The following ST6GALNAC3 variants were observed in gnomAD, a reference collection of about 807,000 sequenced individuals.
The protein encoded by ST6GALNAC3 is ST6 N-acetylgalactosaminide alpha-2,6-sialyltransferase 3.
In ST6GALNAC3, 25 loss-of-function variants were observed where a neutral mutation model predicts 32.7. The ratio of observed to expected loss-of-function variants is 0.76; its 90% CI spans 0.56 to 1.07. The LOEUF (loss-of-function observed/expected upper bound fraction) is 1.07. Ranked by LOEUF, ST6GALNAC3 falls within the 50% of genes least tolerant of loss-of-function variation. ST6GALNAC3 has a pLI of 0.00. For synonymous variants in ST6GALNAC3, 129 were observed against 133.1 expected (o/e 0.97, Z 0.21); for missense variants, 355 against 382.4 (o/e 0.93, Z 0.60).
At chr1:76,371,568 A>C (rs1405847475) in intron 2 of ST6GALNAC3, among the ~76,000 whole-genome samples, 1 of 152,210 alleles carries the variant, frequency 6.6e-6, no homozygotes, top group Admixed American at 6.5e-5. Context: ...GAGAAGATCT[A>C]TTTGGAAAGA....
At chr1:76,324,954 T>G (rs1018109198) in intron 2 of ST6GALNAC3, among the ~76,000 whole-genome samples, 19 of 152,214 alleles carry the variant, frequency 1.2e-4, no homozygotes, top group Non-Finnish European at 2.1e-4. Context: ...TTATTATACT[T>G]TAAGTTCTAG....
intron 3 of ST6GALNAC3, among the ~76,000 whole-genome samples, chr1:76,425,431 T>C (rs1273503910): frequency 6.6e-6 from 1 of 151,944 alleles, no homozygotes; most frequent in African/African-American, 2.4e-5. Flanking sequence ...GCAGAGCTTT[T>C]ATTTTGGTTT....
intron 3 of ST6GALNAC3, among the ~76,000 whole-genome samples, chr1:76,528,293 TG>T (rs1410915464): frequency 6.6e-6 from 1 of 152,148 alleles, no homozygotes; most frequent in East Asian, 1.9e-4. Context: ...AGGTAGGCTC[TG>T]GGGCTATCCT....
Position 76,526,532 on chromosome 1 carries a change from T to C in ST6GALNAC3, c.624-100920T>C, listed in dbSNP as rs75320991. ...AATCCTTTAAGTTGATTTTTTATCT[T>C]GTTGACTCAGTGAGGTAGAAATTAA... On this transcript the variant is annotated intron_variant, in intron 3 of 4. Coordinates refer to ENST00000328299, the MANE Select transcript of ST6GALNAC3 (RefSeq NM_152996.4). Among the ~76,000 whole-genome samples, 1,061 of 152,246 alleles carry C rather than the reference T, an allele frequency of 7.0e-3. 16 individuals are homozygous for C. The highest frequency in any genetic ancestry group is 0.047 in the East Asian group (244 of 5,168).
intron 2 of ST6GALNAC3, among the ~76,000 whole-genome samples, chr1:76,352,531 A>G (rs1179963661): frequency 7.3e-6 from 1 of 137,604 alleles, no homozygotes; most frequent in Admixed American, 7.6e-5. Context: ...CCTCCGGCCA[A>G]TCTCTAATTG....
chr1:76,403,044 A>G (rs1653549685), intron 2 of ST6GALNAC3, among the ~76,000 whole-genome samples: 1 of 151,934 alleles, frequency 6.6e-6, no homozygotes, highest in African/African-American at 2.4e-5. Flanking sequence ...AAAGCAAAAC[A>G]AAATGAAAAA....
intron 3 of ST6GALNAC3, among the ~76,000 whole-genome samples, chr1:76,450,058 G>A (rs963473403): frequency 2.6e-5 from 4 of 152,074 alleles, no homozygotes; most frequent in East Asian, 1.9e-4. Flanking sequence ...TATCTTTTTC[G>A]TATAATGACT....
chr1:76,125,563 T>G (rs958556349), intron 1 of ST6GALNAC3, among the ~76,000 whole-genome samples: 1 of 152,152 alleles, frequency 6.6e-6, no homozygotes, highest in Non-Finnish European at 1.5e-5. Context: ...GCCTCTGTGG[T>G]CCATCTGGAA....
At chr1:76,210,571 C>T (rs945536943) in intron 1 of ST6GALNAC3, among the ~76,000 whole-genome samples, 2 of 152,106 alleles carry the variant, frequency 1.3e-5, no homozygotes, top group Admixed American at 6.6e-5. Context: ...GGCTGGGTGG[C>T]ATAAACAACA....
chr1:76,547,467 A>G (rs762235675), intron 3 of ST6GALNAC3, among the ~76,000 whole-genome samples: 6 of 152,178 alleles, frequency 3.9e-5, no homozygotes, highest in Admixed American at 6.5e-5. Context: ...ATTGCAATTT[A>G]CTTTATGTCA....
chr1:76,273,701 G>C (rs769502616), intron 1 of ST6GALNAC3, among the ~76,000 whole-genome samples: 1 of 152,098 alleles, frequency 6.6e-6, no homozygotes, highest in Non-Finnish European at 1.5e-5. Context: ...GTGGCATATC[G>C]GTCTGAAAAG....
chr1:76,371,905 T>C (rs1050045536), intron 2 of ST6GALNAC3, among the ~76,000 whole-genome samples: 2 of 152,146 alleles, frequency 1.3e-5, no homozygotes, highest in African/African-American at 4.8e-5. Context: ...ACAGTAAGCA[T>C]CTCACTTCCC....
intron 2 of ST6GALNAC3, among the ~76,000 whole-genome samples, chr1:76,363,372 A>G (rs1013071085): frequency 1.3e-5 from 2 of 152,188 alleles, no homozygotes; most frequent in African/African-American, 4.8e-5. Context: ...TCCAGTTCCC[A>G]ATAAGTTCCT....
At chr1:76,106,218 A>AT (rs908315029) in intron 1 of ST6GALNAC3, among the ~76,000 whole-genome samples, 2 of 152,002 alleles carry the variant, frequency 1.3e-5, no homozygotes, top group African/African-American at 4.8e-5. Context: ...CCAATGGGAA[A>AT]TTTTTTCTTT....
At chr1:76,344,850 G>T (rs1054569270) in intron 2 of ST6GALNAC3, among the ~76,000 whole-genome samples, 1 of 152,126 alleles carries the variant, frequency 6.6e-6, no homozygotes, top group African/African-American at 2.4e-5. Context: ...GCTGTGAAAC[G>T]TTATGAGGTA....
At chr1:76,108,174 C>T (rs955220143) in intron 1 of ST6GALNAC3, among the ~76,000 whole-genome samples, 2 of 152,200 alleles carry the variant, frequency 1.3e-5, no homozygotes, top group South Asian at 4.1e-4. Flanking sequence ...AGAGTTTGAT[C>T]TGGAAGGTCA....
chr1:76,355,659 A>G (rs1649379787), intron 2 of ST6GALNAC3, among the ~76,000 whole-genome samples: 1 of 152,236 alleles, frequency 6.6e-6, no homozygotes, highest in African/African-American at 2.4e-5. Flanking sequence ...GATAGAGCCA[A>G]TGCTTTTAAT....
At chr1:76,490,570 A>T (rs944079621) in intron 3 of ST6GALNAC3, among the ~76,000 whole-genome samples, 4 of 151,254 alleles carry the variant, frequency 2.6e-5, no homozygotes, top group African/African-American at 9.7e-5. Context: ...ATGCAATAAA[A>T]TTATTTTGCC....
At chr1:76,624,394 G>C (rs1428472975) in intron 3 of ST6GALNAC3, among the ~76,000 whole-genome samples, 2 of 151,878 alleles carry the variant, frequency 1.3e-5, no homozygotes, top group Non-Finnish European at 2.9e-5. Context: ...AGCCACTAAT[G>C]ACCATTGTAT....
Sources: gnomAD v4.1 joint callset for allele counts (sites outside exome capture counted in the v4.1 genomes callset) on GRCh38, gnomAD v4.1.1 for gene constraint, MANE v1.5 for transcripts, NCBI Gene and HGNC (gene_info 2026-07-23, HGNC 2026-07-21) for gene names.